RNF17: variants seen among roughly 807,000 people sequenced by gnomAD.
The protein encoded by RNF17 is ring finger protein 17.
In RNF17, 31 loss-of-function variants were observed where a neutral mutation model predicts 200.5. That is an observed-to-expected ratio of 0.15 (90% confidence interval 0.12 to 0.21). RNF17 has a LOEUF of 0.21. Among genes scored for constraint, RNF17 ranks in the 10% least tolerant of loss-of-function variants. The pLI is 1.00. For missense variants in RNF17, 1,628 were observed against 1,905.1 expected (o/e 0.85, Z 2.71); for synonymous variants, 606 against 637.8 (o/e 0.95, Z 0.75).
chr13:24,823,289 G>A (rs1002531218), intron 15 of RNF17, among the ~76,000 whole-genome samples: 1 of 152,136 alleles, frequency 6.6e-6, no homozygotes, highest in Non-Finnish European at 1.5e-5. Context: ...GGCCAGGCTG[G>A]TCTTGAACTC....
chr13:24,844,654 T>C lies in RNF17; in HGVS notation c.2834T>C (p.Leu945Ser), dbSNP rs1730330927. The change falls in exon 21 of 36, where the codon TTA becomes TCA. Residue 945 changes from leucine to serine, a missense_variant and splice_region_variant. Coordinates refer to ENST00000255324, the MANE Select transcript of RNF17 (RefSeq NM_031277.3). ...WLLTENLLNS[L>S]EEKMIAAYEN... ...TTAAATATTTTTTATCTCTATAGTT[T>C]AGAAGAAAAGATGATAGCTGCTTAT... The C allele has an allele frequency of 3.2e-6, 5 of 1,586,272 alleles. No individual in the cohort carries two copies. In the African/African-American group the frequency reaches 4.1e-5, roughly 13 times the overall value.
intron 6 of RNF17, among the ~76,000 whole-genome samples, chr13:24,784,390 A>G (rs1008520578): frequency 1.3e-5 from 2 of 152,120 alleles, no homozygotes; most frequent in African/African-American, 4.8e-5. Context: ...CTGCCCTTCA[A>G]GTATTTTGGA....
Position 24,854,002 on chromosome 13 carries a change from G to T in RNF17, c.3468G>T (p.Val1156=). The T allele has an allele frequency of 6.2e-7, 1 of 1,614,154 alleles. No individual in the cohort carries two copies. Among genetic ancestry groups the T allele is most frequent in the Non-Finnish European group, 8.5e-7 (1 of 1,180,006 alleles). ...KTADIISEQK[V]SEFQEKILEP... is the part of the protein sequence containing the mutation. ...CTGACATAATCAGTGAACAGAAAGT[G>T]TCTGAATTTCAGGAGAAAATTCTAG... The change falls in exon 25 of 36, where the codon GTG becomes GTT. Residue 1156 remains valine (V), a synonymous_variant. Transcript: ENST00000255324.
intron 10 of RNF17, among the ~76,000 whole-genome samples, chr13:24,794,779 G>A (rs187875717): frequency 6.6e-6 from 1 of 152,306 alleles, no homozygotes; most frequent in Admixed American, 6.5e-5. Flanking sequence ...CTGGAATGCA[G>A]TGGCGCGATC....
rs763222469 is a variant in RNF17 at position 24,862,730 on chromosome 13, A to G, written c.3912A>G (p.Gln1304=). ...HNTTPVGNVW[Q]PDAIEVLQQL... is the part of the protein sequence containing the mutation. The stretch of plus-strand genomic sequence containing the variant: ...TCAAATAGGTTGGGAATGTCTGGCA[A>G]CCAGATGCAATAGAAGTTCTTCAAC... Residue 1304 remains glutamine, a synonymous_variant, in exon 28 of 36, where the codon CAA becomes CAG. Coordinates refer to ENST00000255324, the MANE Select transcript of RNF17 (RefSeq NM_031277.3). 17 of 1,608,170 alleles carry G rather than the reference A, an allele frequency of 1.1e-5. No homozygotes were observed. Among genetic ancestry groups the G allele is most frequent in the Non-Finnish European group, 8.5e-7 (1 of 1,174,878 alleles).
chr13:24,793,070 CAG>C lies in RNF17; in HGVS notation c.966_967del (p.Asn323CysfsTer6). On this transcript the variant is annotated frameshift_variant, in exon 10 of 36. Coordinates refer to ENST00000255324, the MANE Select transcript of RNF17 (RefSeq NM_031277.3). LOFTEE classifies it high-confidence loss of function. Reference protein sequence around the residue: ...KCYPQENEIRQNVQKKYNNKK... With the variant: ...KCYPQENEIRXNVQKKYNNKK... Reference sequence around the variant, plus strand: ...TTATCCCCAAGAAAATGAAATTAGACAGAATGTTCAAAAGAAATATAATAACA... The same window carrying C: ...TTATCCCCAAGAAAATGAAATTAGACAATGTTCAAAAGAAATATAATAACA... The C allele has an allele frequency of 1.9e-6, 3 of 1,584,750 alleles. No individual in the cohort carries two copies. The highest frequency in any genetic ancestry group is 2.6e-6 in the Non-Finnish European group (3 of 1,165,452).
Position 24,764,201 on chromosome 13 carries a change from G to C in RNF17, c.-3G>C. 1 of 1,584,648 alleles carries C rather than the reference G, an allele frequency of 6.3e-7. No homozygotes were observed. The highest frequency in any genetic ancestry group is 2.3e-5 in the East Asian group (1 of 44,276). On this transcript the variant is annotated 5_prime_UTR_variant, in exon 1 of 36. Coordinates refer to ENST00000255324, the MANE Select transcript of RNF17 (RefSeq NM_031277.3). ...GCGGTTGTTCCAGAAGAAAGAGACAGCGATGGCGGCAGAGGCTTCGAAGAC... is the reference window on the plus strand; with the variant it reads ...GCGGTTGTTCCAGAAGAAAGAGACACCGATGGCGGCAGAGGCTTCGAAGAC...
intron 30 of RNF17, among the ~76,000 whole-genome samples, chr13:24,867,347 T>A (rs1191481210): frequency 6.6e-6 from 1 of 152,242 alleles, no homozygotes; most frequent in East Asian, 1.9e-4. Flanking sequence ...TTTTTGATAG[T>A]GTCCTTTTAA....
At chr13:24,789,604 T>C (rs1883583904) in intron 8 of RNF17, 94 bp from the exon 9 acceptor site, 1 of 931,356 alleles carries the variant, frequency 1.1e-6, no homozygotes, top group Non-Finnish European at 1.7e-6. Context: ...AATGTTTCCT[T>C]TTCAATTCAT....
At chr13:24,857,881 G>A (rs991668005) in intron 25 of RNF17, among the ~76,000 whole-genome samples, 5 of 152,188 alleles carry the variant, frequency 3.3e-5, no homozygotes, top group Non-Finnish European at 7.3e-5. Flanking sequence ...GGGCAACAGA[G>A]TAAGACCCTG....
chr13:24,871,036 T>C (rs114067762), intron 32 of RNF17, among the ~76,000 whole-genome samples: 1,532 of 152,344 alleles, frequency 0.01, 35 homozygotes, highest in African/African-American at 0.034. Context: ...AGGTTATCAG[T>C]AGCTGAAATT....
intron 25 of RNF17, among the ~76,000 whole-genome samples, chr13:24,855,898 G>C (rs1892423080): frequency 6.7e-6 from 1 of 148,438 alleles, no homozygotes; most frequent in Non-Finnish European, 1.5e-5. Flanking sequence ...CTGTGTTTTT[G>C]GAATGCCTAT....
chr13:24,780,460 C>G (rs2137551442), intron 5 of RNF17, among the ~76,000 whole-genome samples: 1 of 152,268 alleles, frequency 6.6e-6, no homozygotes, highest in Admixed American at 6.5e-5. Context: ...AGTGGGGACA[C>G]AATCCAACTA....
intron 33 of RNF17, among the ~76,000 whole-genome samples, chr13:24,876,182 A>G (rs1424089600): frequency 7.2e-5 from 11 of 152,228 alleles, no homozygotes; most frequent in African/African-American, 1.9e-4. Context: ...GGTTGTTACC[A>G]TAGCTTACAA....
chr13:24,875,778 G>A (rs1187051907), intron 33 of RNF17, among the ~76,000 whole-genome samples: 2 of 152,196 alleles, frequency 1.3e-5, no homozygotes, highest in African/African-American at 2.4e-5. Context: ...CAAAGGTCAC[G>A]GCAACAATTT....
chr13:24,867,833 G>C (rs1893789023), intron 30 of RNF17, among the ~76,000 whole-genome samples: 1 of 151,650 alleles, frequency 6.6e-6, no homozygotes, highest in Non-Finnish European at 1.5e-5. Flanking sequence ...ACACCTTTTT[G>C]ATGATTTTAA....
intron 2 of RNF17, among the ~76,000 whole-genome samples, chr13:24,771,982 C>A (rs981970776): frequency 4.6e-5 from 7 of 152,052 alleles, no homozygotes; most frequent in African/African-American, 1.2e-4. Flanking sequence ...CCAGCCTGGG[C>A]AACAAGAGCG....
At chr13:24,796,101 A>C (rs370618978) in intron 10 of RNF17, 36 bp from the exon 11 acceptor site, 2 of 1,493,878 alleles carry the variant, frequency 1.3e-6, no homozygotes, top group South Asian at 2.5e-5. Context: ...TTTCTAACTC[A>C]TGGTTTATTA....
chr13:24,774,915 T>C lies in RNF17; in HGVS notation c.317+11T>C, dbSNP rs1270757428. Reference sequence around the variant, plus strand: ...ACTGCAGCCTAAGACGTATGTTCCATGTGTACTTATTTGAGTATTTAAAGT... The same window carrying C: ...ACTGCAGCCTAAGACGTATGTTCCACGTGTACTTATTTGAGTATTTAAAGT... On this transcript the variant is annotated intron_variant, in intron 3 of 35. Transcript: ENST00000255324. 7 of 1,503,460 alleles carry C rather than the reference T, an allele frequency of 4.7e-6. No homozygotes were observed. The highest frequency in any genetic ancestry group is 1.2e-5 in the South Asian group (1 of 86,616). The allele number at this position is 1,503,460 out of a possible 1,614,324, so 93.1% of individuals were successfully genotyped here.
Sources: gnomAD v4.1 joint callset for allele counts (sites outside exome capture counted in the v4.1 genomes callset) on GRCh38, gnomAD v4.1.1 for gene constraint, MANE v1.5 for transcripts, NCBI Gene and HGNC (gene_info 2026-07-23, HGNC 2026-07-21) for gene names.